The following RELL1 variants were observed in gnomAD, a reference collection of about 807,000 sequenced individuals.
RELL1 encodes RELT-like protein 1.
Under a neutral mutation model 23.0 loss-of-function variants are expected in RELL1, and 10 were observed. The observed-to-expected ratio is 0.43, with a 90% CI of 0.27 to 0.74. RELL1 has a LOEUF of 0.74. RELL1 is among the 30% of genes least tolerant of loss of function. The pLI is 0.19. For synonymous variants in RELL1, 146 were observed against 146.8 expected (o/e 0.99, Z 0.04); for missense variants, 315 against 364.4 (o/e 0.86, Z 1.10).
chr4:37,652,281 T>C (rs909683553), intron 1 of RELL1, among the ~76,000 whole-genome samples: 1 of 152,218 alleles, frequency 6.6e-6, no homozygotes, highest in Non-Finnish European at 1.5e-5. Context: ...GTTGCATTCA[T>C]TACTTTATCA....
At chr4:37,665,655 A>T (rs1033606425) in intron 1 of RELL1, among the ~76,000 whole-genome samples, 3 of 152,264 alleles carry the variant, frequency 2.0e-5, no homozygotes, top group Admixed American at 6.5e-5. Context: ...AAGTCTAAGT[A>T]GCAAGGGCCA....
At chr4:37,614,263 T>C (rs1719500917) in intron 6 of RELL1, among the ~76,000 whole-genome samples, 1 of 152,208 alleles carries the variant, frequency 6.6e-6, no homozygotes, top group Admixed American at 6.5e-5. Flanking sequence ...TAATATTCAA[T>C]GGTATATTCA....
At chr4:37,658,993 G>A (rs6531560) in intron 1 of RELL1, among the ~76,000 whole-genome samples, 56,763 of 152,004 alleles carry the variant, frequency 0.37, 11,152 homozygotes, top group South Asian at 0.46. Context: ...ATCACAGCTC[G>A]CCTTATGCAG....
At chr4:37,646,026 A>G (rs1228494730) in intron 3 of RELL1, among the ~76,000 whole-genome samples, 1 of 152,204 alleles carries the variant, frequency 6.6e-6, no homozygotes, top group Non-Finnish European at 1.5e-5. Context: ...TTCAACCTTT[A>G]GACAAATGGC....
chr4:37,629,235 C>G (rs1212597271), intron 6 of RELL1, among the ~76,000 whole-genome samples: 1 of 152,230 alleles, frequency 6.6e-6, no homozygotes, highest in Non-Finnish European at 1.5e-5. Flanking sequence ...CTGGCTGGGC[C>G]TTCCTCACCT....
intron 1 of RELL1, among the ~76,000 whole-genome samples, chr4:37,685,629 C>T (rs1032714645): frequency 6.6e-6 from 1 of 152,152 alleles, no homozygotes; most frequent in African/African-American, 2.4e-5. Context: ...TTTTTCCGAG[C>T]CTGATTTATA....
At chr4:37,609,873 T>C (rs111505708), downstream of RELL1, among the ~76,000 whole-genome samples, 907 of 152,358 alleles carry the variant, frequency 6.0e-3, 5 homozygotes, top group African/African-American at 0.021. Context: ...TTTCCTGAGA[T>C]GGCATCTACT....
chr4:37,605,922 GGAGGGA>G (rs1719202484), downstream of RELL1, among the ~76,000 whole-genome samples: 1 of 146,226 alleles, frequency 6.8e-6, no homozygotes, highest in South Asian at 2.2e-4. Flanking sequence ...AGGAAGGGAG[GGAGGGA>G]GAGAGAGAAG....
At chr4:37,614,397 C>A (rs531510048) in intron 6 of RELL1, among the ~76,000 whole-genome samples, 5 of 152,132 alleles carry the variant, frequency 3.3e-5, no homozygotes, top group Admixed American at 2.0e-4. Context: ...AGATTTATTT[C>A]CCAAATGAGA....
intron 1 of RELL1, among the ~76,000 whole-genome samples, chr4:37,656,680 G>A (rs139751199): frequency 1.2e-4 from 19 of 152,338 alleles, no homozygotes; most frequent in Non-Finnish European, 2.1e-4. Context: ...AGGAGTTAAC[G>A]TTGTTCTCAC....
At chr4:37,636,400 C>T (rs888948717) in intron 4 of RELL1, among the ~76,000 whole-genome samples, 1 of 152,078 alleles carries the variant, frequency 6.6e-6, no homozygotes, top group Non-Finnish European at 1.5e-5. Context: ...TCGAGACCAT[C>T]CTGGCTAACA....
Position 37,631,395 on chromosome 4 carries a change from G to A in RELL1, c.809C>T (p.Thr270Ile). 4 of 1,613,726 alleles carry A rather than the reference G, an allele frequency of 2.5e-6. No individual in the cohort carries two copies. Among genetic ancestry groups the A allele is most frequent in the Non-Finnish European group, 3.4e-6 (4 of 1,179,848 alleles). The change falls in exon 6 of 7, where the codon ACA (threonine) becomes ATA (isoleucine). Residue 270 changes from threonine (T) to isoleucine (I), a missense_variant. Coordinates refer to ENST00000454158, the MANE Select transcript of RELL1 (RefSeq NM_001085400.2). ...AAAACCACGGCTCACCTGCTACTCT[G>A]TGCCACTGCGTTCTCTCTTCACAGG... ...ATPVKRERSGTE is the reference protein window; with the variant it reads ...ATPVKRERSGIE
intron 6 of RELL1, among the ~76,000 whole-genome samples, chr4:37,618,218 T>TC (rs568463607): frequency 6.6e-6 from 1 of 151,262 alleles, no homozygotes; most frequent in Non-Finnish European, 1.5e-5. Flanking sequence ...TCTTTTTTTC[T>TC]TTTTTTTTAA....
intron 1 of RELL1, among the ~76,000 whole-genome samples, chr4:37,669,014 C>G: frequency 7.6e-6 from 1 of 131,332 alleles, no homozygotes; most frequent in African/African-American, 3.4e-5. Context: ...GTGGGGGGGT[C>G]AGCCCCCCGC....
In RELL1 at chr4:37,611,521, A is replaced by G. The variant is rs943537765; in HGVS notation, c.*1825T>C. On this transcript the variant is annotated 3_prime_UTR_variant, in exon 7 of 7. Transcript: ENST00000454158. ...ATACTTTGAAGTATATTTTTATGGA[A>G]ATCATCTTTTGGGAGACAAATGAAA... Among the ~76,000 whole-genome samples, 1 of 152,158 alleles carries G rather than the reference A, an allele frequency of 6.6e-6. No individual in the cohort carries two copies. Among genetic ancestry groups the G allele is most frequent in the African/African-American group, 2.4e-5 (1 of 41,428 alleles).
chr4:37,630,506 A>G (rs1720092856), intron 6 of RELL1, among the ~76,000 whole-genome samples: 1 of 151,644 alleles, frequency 6.6e-6, no homozygotes, highest in South Asian at 2.1e-4. Context: ...CTGGGACTAC[A>G]GGTGCCCACC....
chr4:37,604,050 G>T (rs986223338), intron 6 of RELL1, among the ~76,000 whole-genome samples: 2 of 152,100 alleles, frequency 1.3e-5, no homozygotes, highest in Non-Finnish European at 2.9e-5. Flanking sequence ...TCAAACTCCT[G>T]AGCTCAAGCA....
At position 37,678,432 on chromosome 4, in the gene RELL1, C is replaced by T. The variant is rs188452467; in HGVS notation, c.88+7768G>A. ...TTTGCTTAGTTTTGGTGGCTAATGGCTCTGCCCCACAAATCCCCTGCCTCC... is the reference window on the plus strand; with the variant it reads ...TTTGCTTAGTTTTGGTGGCTAATGGTTCTGCCCCACAAATCCCCTGCCTCC... On this transcript the variant is annotated intron_variant, in intron 1 of 6. Transcript: ENST00000454158. Among the ~76,000 whole-genome samples, 4 of 152,328 alleles carry T rather than the reference C, an allele frequency of 2.6e-5. No homozygotes were observed. The East Asian group carries it at 7.7e-4, about 29-fold the overall frequency.
At chr4:37,640,720 C>T (rs1720499804) in intron 3 of RELL1, among the ~76,000 whole-genome samples, 1 of 151,810 alleles carries the variant, frequency 6.6e-6, no homozygotes, top group Admixed American at 6.6e-5. Flanking sequence ...AAAAAGTCTG[C>T]ACATGTCCAG....
Sources: allele counts gnomAD v4.1 joint callset (sites outside exome capture counted in the v4.1 genomes callset), GRCh38; gene constraint gnomAD v4.1.1; transcripts MANE v1.5; gene names NCBI Gene and HGNC (gene_info 2026-07-23, HGNC 2026-07-21).